CNPY2: variants seen among roughly 807,000 people sequenced by gnomAD.
CNPY2 encodes the protein canopy FGF signaling regulator 2.
Under a neutral mutation model 25.5 loss-of-function variants are expected in CNPY2, and 19 were observed. The observed-to-expected ratio is 0.74, with a 90% CI of 0.52 to 1.09. The LOEUF (loss-of-function observed/expected upper bound fraction) is 1.09. CNPY2 is among the 50% of genes least tolerant of loss of function. CNPY2 has a pLI of 0.00. For synonymous variants in CNPY2, 82 were observed against 85.0 expected (o/e 0.96, Z 0.19); for missense variants, 214 against 233.6 (o/e 0.92, Z 0.55).
Position 56,310,869 on chromosome 12 carries a change from G to T in CNPY2, c.505+89C>A. 1.7e-6 allele frequency: 2 copies of T among 1,198,046 alleles called. 1 individual carries two copies. The highest frequency in any genetic ancestry group is 2.4e-6 in the Non-Finnish European group (2 of 819,818). 74.2% of individuals were successfully genotyped at this position (1,198,046 alleles called of 1,614,324 possible). A position where few individuals can be genotyped will look rare whatever the true frequency, so the allele number is the denominator to read the frequency against. ...AGACAGCTCTTGACCTAATACCAGA[G>T]GTTTCTGGGATGGGGGTGTATGGGT... On this transcript the variant is annotated intron_variant, in intron 5 of 5. Coordinates refer to ENST00000273308, the MANE Select transcript of CNPY2 (RefSeq NM_014255.7).
At chr12:56,311,710 C>A in intron 3 of CNPY2, 1 of 385,310 alleles carries the variant, frequency 2.6e-6, no homozygotes, top group Non-Finnish European at 5.0e-6. Flanking sequence ...CACCACCACA[C>A]CCAGCTAACT....
intron 3 of CNPY2, 123 bp from the exon 4 acceptor site, chr12:56,311,537 TTTAA>T (rs1873716934): frequency 1.0e-6 from 1 of 982,750 alleles, no homozygotes; most frequent in Non-Finnish European, 1.6e-6. Flanking sequence ...CCTAATTGAT[TTTAA>T]TTAGTTTTGT....
At chr12:56,315,774 T>C in intron 1 of CNPY2, 47 bp downstream of exon 1, 1 of 155,958 alleles carries the variant, frequency 6.4e-6, no homozygotes, top group Non-Finnish European at 1.4e-5. Context: ...CTTCAGTCCA[T>C]CCCCAACCCT....
chr12:56,311,410 G>A lies in CNPY2; in HGVS notation c.209C>T (p.Pro70Leu). The A allele has an allele frequency of 6.2e-7, 1 of 1,614,110 alleles. No individual in the cohort carries two copies. Reference protein sequence around the residue: ...PDGSQSVVEVPYARSEAHLTE... With the variant: ...PDGSQSVVEVLYARSEAHLTE... ...GAGGTGGGCCTCTGAGCGGGCATAA[G>A]GCACCTAGAAATGTCCTCAGCCTTG... The change falls in exon 4 of 6, where the codon CCT becomes CTT. Residue 70 changes from proline to leucine, a missense_variant. Pro to Leu is a moderately conservative substitution (Grantham distance 98). Transcript: ENST00000273308.
rs1352274643 is a variant in CNPY2, at chr12:56,315,924, G to A, written c.-129C>T. On this transcript the variant is annotated 5_prime_UTR_variant, in exon 1 of 6. Coordinates refer to ENST00000273308, the MANE Select transcript of CNPY2 (RefSeq NM_014255.7). ...AACTACACCTGGCTGCAGGGAGCAG[G>A]GCTGTCCGGGATTCTCCAGAGCGCT... The A allele has an allele frequency of 3.3e-5, 5 of 152,628 alleles. No homozygotes were observed. The highest frequency in any genetic ancestry group is 7.3e-5 in the Non-Finnish European group (5 of 68,382). The allele number at this position is 152,628 out of a possible 1,614,324, so 9.5% of individuals were successfully genotyped here. A position where few individuals can be genotyped will look rare whatever the true frequency, so the allele number is the denominator to read the frequency against.
intron 2 of CNPY2, 27 bp downstream of exon 2, chr12:56,315,103 C>T (rs774575824): frequency 1.2e-6 from 2 of 1,610,722 alleles, no homozygotes; most frequent in Non-Finnish European, 1.7e-6. Context: ...CTGCTTCCTC[C>T]ACTTCTTTTT....
chr12:56,310,386 G>A lies in CNPY2; in HGVS notation c.*166C>T, dbSNP rs1873682505. The A allele has an allele frequency of 3.0e-6, 2 of 672,806 alleles. No homozygotes were observed. Among genetic ancestry groups the A allele is most frequent in the African/African-American group, 3.6e-5 (2 of 55,390 alleles). 41.7% of individuals were successfully genotyped at this position (672,806 alleles called of 1,614,324 possible). A position where few individuals can be genotyped will look rare whatever the true frequency, so the allele number is the denominator to read the frequency against. The stretch of plus-strand genomic sequence containing the variant: ...TGTCTATATAACTCCTTATCTTCAA[G>A]CTTAATGTAAGGGCAATTCCAGGCA... On this transcript the variant is annotated 3_prime_UTR_variant, in exon 6 of 6. Coordinates refer to ENST00000273308, the MANE Select transcript of CNPY2 (RefSeq NM_014255.7).
rs1873699968 is a variant in CNPY2 at position 56,311,012 on chromosome 12, A to G, written c.451T>C (p.Phe151Leu). The change falls in exon 5 of 6, where the codon TTC (phenylalanine) becomes CTC (leucine). Residue 151 changes from phenylalanine (F) to leucine (L), a missense_variant. Coordinates refer to ENST00000273308, the MANE Select transcript of CNPY2 (RefSeq NM_014255.7). ...ACATTGTCAGCCTCTCGGGAAAAGA[A>G]TTCAATGAGTTCATCCTCGTATTCC... Reference protein sequence around the residue: ...VEEYEDELIEFFSREADNVKD... With the variant: ...VEEYEDELIELFSREADNVKD... The G allele has an allele frequency of 6.2e-7, 1 of 1,614,052 alleles. No individual in the cohort carries two copies. Among genetic ancestry groups the G allele is most frequent in the Non-Finnish European group, 8.5e-7 (1 of 1,180,032 alleles).
At chr12:56,314,180 T>G (rs965072109) in intron 3 of CNPY2, among the ~76,000 whole-genome samples, 3 of 150,482 alleles carry the variant, frequency 2.0e-5, no homozygotes, top group Non-Finnish European at 4.5e-5. Flanking sequence ...TGGGTTTTGG[T>G]TTTTTTTTGA....
chr12:56,311,326 G>A lies in CNPY2; in HGVS notation c.293C>T (p.Pro98Leu), dbSNP rs554025526. 1.9e-6 allele frequency: 3 copies of A among 1,614,160 alleles called. No homozygotes were observed. The highest frequency in any genetic ancestry group is 2.7e-5 in the African/African-American group (2 of 75,034). ...RMKEYGEQID[P>L]STHRKNYVRV... ...TACGTAGTTCTTGCGATGGGTGGAAGGATCAATCTGTTCCCCATACTCCTT... is the reference window on the plus strand; with the variant it reads ...TACGTAGTTCTTGCGATGGGTGGAAAGATCAATCTGTTCCCCATACTCCTT... Residue 98 changes from proline (P) to leucine (L), a missense_variant, in exon 4 of 6, where the codon CCT becomes CTT. Coordinates refer to ENST00000273308, the MANE Select transcript of CNPY2 (RefSeq NM_014255.7).
chr12:56,310,063 C>A lies in CNPY2; in HGVS notation c.*489G>T. ...GCAGGGAAGGAAGAATAATGCATAT[C>A]CGTTATTTCCTTCAAGACCAAGCCC... On this transcript the variant is annotated 3_prime_UTR_variant, in exon 6 of 6. Coordinates refer to ENST00000273308, the MANE Select transcript of CNPY2 (RefSeq NM_014255.7). 1.5e-6 allele frequency: 1 copy of A among 688,818 alleles called. No individual in the cohort carries two copies. The highest frequency in any genetic ancestry group is 2.6e-6 in the Non-Finnish European group (1 of 379,406). 42.7% of individuals were successfully genotyped at this position (688,818 alleles called of 1,614,324 possible). A position where few individuals can be genotyped will look rare whatever the true frequency, so the allele number is the denominator to read the frequency against.
At chr12:56,313,158 T>C (rs1183035563) in intron 3 of CNPY2, among the ~76,000 whole-genome samples, 2 of 152,088 alleles carry the variant, frequency 1.3e-5, no homozygotes, top group Non-Finnish European at 2.9e-5. Context: ...CAGGACCTGA[T>C]GTGTGACGTT....
chr12:56,315,001 G>C (rs777381712), intron 2 of CNPY2, 35 bp from the exon 3 acceptor site: 2 of 1,610,090 alleles, frequency 1.2e-6, no homozygotes, highest in Non-Finnish European at 1.7e-6. Flanking sequence ...GCAGGGGACA[G>C]GGTAGGGGGT....
At position 56,310,594 on chromosome 12, in the gene CNPY2, A is replaced by C; in HGVS notation, c.507T>G (p.Asp169Glu). 1 of 1,614,216 alleles carries C rather than the reference A, an allele frequency of 6.2e-7. No individual in the cohort carries two copies. Among genetic ancestry groups the C allele is most frequent in the East Asian group, 2.2e-5 (1 of 44,888 alleles). ...ATATGTGCAGGGCATGGTCACAAAG[A>C]TCTGCAAATGGCAAACAATTTAAAG... ...VKDKLCSKRT[D>E]LCDHALHISH... is the part of the protein sequence containing the mutation. The change falls in exon 6 of 6, where the codon GAT becomes GAG. Residue 169 changes from aspartate to glutamate, a missense_variant and splice_region_variant. Coordinates refer to ENST00000273308, the MANE Select transcript of CNPY2 (RefSeq NM_014255.7).
Position 56,310,369 on chromosome 12 carries a change from T to G in CNPY2, c.*183A>C, listed in dbSNP as rs1873681889. 1.6e-6 allele frequency: 1 copy of G among 638,346 alleles called. No individual in the cohort carries two copies. The highest frequency in any genetic ancestry group is 1.8e-5 in the African/African-American group (1 of 54,746). 39.5% of individuals were successfully genotyped at this position (638,346 alleles called of 1,614,324 possible). ...TCCTCCATTATCTTTCCTGTCTATA[T>G]AACTCCTTATCTTCAAGCTTAATGT... On this transcript the variant is annotated 3_prime_UTR_variant, in exon 6 of 6. Transcript: ENST00000273308.
chr12:56,315,034 A>T (rs1411986164), intron 2 of CNPY2, 68 bp from the exon 3 acceptor site: 1 of 1,598,206 alleles, frequency 6.3e-7, no homozygotes, highest in Admixed American at 1.7e-5. Flanking sequence ...GAATGGGATC[A>T]ACCCAGGATT....
In CNPY2 at chr12:56,311,017, A is replaced by G. The variant is rs1873700264; in HGVS notation, c.446T>C (p.Ile149Thr). 6.2e-7 allele frequency: 1 copy of G among 1,614,176 alleles called. No homozygotes were observed. Residue 149 changes from isoleucine (I) to threonine (T), a missense_variant, in exon 5 of 6, where the codon ATT becomes ACT. Ile to Thr is a moderately conservative substitution (Grantham distance 89). Coordinates refer to ENST00000273308, the MANE Select transcript of CNPY2 (RefSeq NM_014255.7). ...SIVEEYEDEL[I>T]EFFSREADNV... ...GTCAGCCTCTCGGGAAAAGAATTCA[A>G]TGAGTTCATCCTCGTATTCCTCCAC...
chr12:56,311,876 T>C, intron 3 of CNPY2: 1 of 160,324 alleles, frequency 6.2e-6, no homozygotes, highest in Non-Finnish European at 1.4e-5. Context: ...TTTATTTTAT[T>C]TTATTTATTT....
chr12:56,313,696 C>T (rs1383372909), intron 3 of CNPY2, among the ~76,000 whole-genome samples: 1 of 150,920 alleles, frequency 6.6e-6, no homozygotes, highest in Admixed American at 6.6e-5. Context: ...AGCTCTGCCT[C>T]CCGAGTTCAC....
Sources: allele counts gnomAD v4.1 joint callset (sites outside exome capture counted in the v4.1 genomes callset), GRCh38; gene constraint gnomAD v4.1.1; transcripts MANE v1.5; gene names NCBI Gene and HGNC (gene_info 2026-07-23, HGNC 2026-07-21).